PHACTR2: variants seen among roughly 807,000 people sequenced by gnomAD.
PHACTR2 encodes chromosome 6 open reading frame 56.
In PHACTR2, 30 loss-of-function variants were observed where a neutral mutation model predicts 76.0. The observed-to-expected ratio is 0.39, with a 90% CI of 0.30 to 0.54. The LOEUF (loss-of-function observed/expected upper bound fraction) is 0.54, where lower values mean the gene tolerates loss of function less well. Among genes scored for constraint, PHACTR2 ranks in the 20% least tolerant of loss-of-function variants. The pLI, the probability that PHACTR2 is intolerant of heterozygous loss-of-function variation, is 0.61. For synonymous variants in PHACTR2, 292 were observed against 292.5 expected (o/e 1.00, Z 0.02); for missense variants, 696 against 781.1 (o/e 0.89, Z 1.30).
intron 1 of PHACTR2, among the ~76,000 whole-genome samples, chr6:143,701,500 T>G (rs943079290): frequency 3.3e-5 from 5 of 152,202 alleles, no homozygotes; most frequent in African/African-American, 1.2e-4. Flanking sequence ...ACTCCTTGGA[T>G]TAGCCCAATA....
intron 2 of PHACTR2, among the ~76,000 whole-genome samples, chr6:143,740,177 A>T: frequency 6.6e-6 from 1 of 152,182 alleles, no homozygotes; most frequent in East Asian, 1.9e-4. Flanking sequence ...ACTTCCTAAC[A>T]TTGCCATGCC....
Position 143,663,893 on chromosome 6 carries a change from C to T in PHACTR2, c.14-48123C>T, listed in dbSNP as rs1776987649. On this transcript the variant is annotated intron_variant, in intron 1 of 11. Coordinates refer to the PHACTR2 transcript ENST00000305766. The surrounding 1 kb of genome is among the most constrained non-coding windows in gnomAD (Gnocchi z 4.1). The stretch of plus-strand genomic sequence containing the variant: ...TTGCCATTTTCTTGAGTACAAGTCT[C>T]TACACGTTTGTGTATTACATCAAGC... Among the ~76,000 whole-genome samples the T allele has an allele frequency of 6.6e-6, 1 of 152,066 alleles. No homozygotes were observed. The highest frequency in any genetic ancestry group is 1.5e-5 in the Non-Finnish European group (1 of 68,002).
At chr6:143,577,312 G>A (rs1244180382) in intron 1 of PHACTR2, among the ~76,000 whole-genome samples, 1 of 152,130 alleles carries the variant, frequency 6.6e-6, no homozygotes, top group East Asian at 1.9e-4. Context: ...CACAGTCAAG[G>A]TCATCAGTAT....
At chr6:143,545,652 T>C (rs1774979021) in intron 1 of PHACTR2, among the ~76,000 whole-genome samples, 1 of 152,078 alleles carries the variant, frequency 6.6e-6, no homozygotes, top group Non-Finnish European at 1.5e-5. Flanking sequence ...GAACCAAGAC[T>C]CAAATCTTCA....
At chr6:143,693,075 G>T (rs1317398539) in intron 1 of PHACTR2, among the ~76,000 whole-genome samples, 1 of 152,030 alleles carries the variant, frequency 6.6e-6, no homozygotes, top group African/African-American at 2.4e-5. Flanking sequence ...AACCCCATTG[G>T]AGTAGGGCCC....
At chr6:143,712,426 T>TA (rs1255927096) in intron 2 of PHACTR2, 2 of 170,790 alleles carry the variant, frequency 1.2e-5, no homozygotes, top group Non-Finnish European at 2.5e-5. Context: ...TAAATTTATA[T>TA]AAAAAATGGA....
Position 143,753,784 on chromosome 6 carries a change from C to CA in PHACTR2, c.329dup (p.Asn110LysfsTer21). 6.2e-7 allele frequency: 1 copy of CA among 1,600,334 alleles called. No individual in the cohort carries two copies. Among genetic ancestry groups the CA allele is most frequent in the Non-Finnish European group, 8.5e-7 (1 of 1,175,888 alleles). On this transcript the variant is annotated frameshift_variant, in exon 4 of 13. Transcript: ENST00000440869. LOFTEE classifies it high-confidence loss of function. This position sits in a 1 kb window ranked among gnomAD's most constrained non-coding sequence, Gnocchi z 4.6. ...GATGTAACAGTTAACTTTGAAAATT[C>CA]AAACGGGCACATGATACCCATCGGA...
intron 2 of PHACTR2, among the ~76,000 whole-genome samples, chr6:143,716,809 A>G (rs1778312441): frequency 6.6e-6 from 1 of 152,248 alleles, no homozygotes; most frequent in Admixed American, 6.5e-5. Context: ...TACTGTTGCT[A>G]GAAATGACAT....
At chr6:143,701,575 A>G (rs2051008) in intron 1 of PHACTR2, among the ~76,000 whole-genome samples, 94,692 of 151,936 alleles carry the variant, frequency 0.62, 29,803 homozygotes, top group African/African-American at 0.71. Flanking sequence ...TCTTAAAATA[A>G]AAATCCACTC....
intron 1 of PHACTR2, among the ~76,000 whole-genome samples, chr6:143,564,842 T>C (rs1234237682): frequency 1.3e-5 from 2 of 152,178 alleles, no homozygotes; most frequent in African/African-American, 4.8e-5. Context: ...AAACCTTCTA[T>C]GTGGGAGGTA....
rs185454473 is a variant in PHACTR2 at position 143,722,720 on chromosome 6, T to C, written c.214+10537T>C. Among the ~76,000 whole-genome samples the C allele has an allele frequency of 2.0e-5, 3 of 152,298 alleles. No homozygotes were observed. The highest frequency in any genetic ancestry group is 6.5e-5 in the Admixed American group (1 of 15,296). ...GAACACTAGATCTATTCTTTCTATC[T>C]AACTGTACATTTGTACCCCTTAACC... On this transcript the variant is annotated intron_variant, in intron 2 of 12. Coordinates refer to ENST00000440869, the MANE Select transcript of PHACTR2 (RefSeq NM_001100164.2). The surrounding 1 kb of genome is among the most constrained non-coding windows in gnomAD (Gnocchi z 4.1).
chr6:143,744,258 A>G lies in PHACTR2; in HGVS notation c.215-4727A>G, dbSNP rs1779006096. 2.6e-5 allele frequency among the ~76,000 whole-genome samples: 4 copies of G among 152,354 alleles called. No individual in the cohort carries two copies. The South Asian group carries it at 8.3e-4, about 32-fold the overall frequency. On this transcript the variant is annotated intron_variant, in intron 2 of 12. Coordinates refer to ENST00000440869, the MANE Select transcript of PHACTR2 (RefSeq NM_001100164.2). ...TCTTGTCGCTCAGGGTTTTGCCACA[A>G]GCCTCACTTGCTTTTTCCCAAATTG...
intron 1 of PHACTR2, among the ~76,000 whole-genome samples, chr6:143,563,479 C>A (rs928616205): frequency 4.1e-4 from 60 of 147,764 alleles, no homozygotes; most frequent in Admixed American, 2.3e-3. Flanking sequence ...TTATTTGAAC[C>A]CGGGAGGTGG....
chr6:143,607,507 G>A (rs569848746), upstream of PHACTR2, among the ~76,000 whole-genome samples: 6 of 152,276 alleles, frequency 3.9e-5, no homozygotes, highest in African/African-American at 7.2e-5. Flanking sequence ...AGATGATAAC[G>A]GACTGTAGAA....
intron 11 of PHACTR2, among the ~76,000 whole-genome samples, chr6:143,790,835 A>G (rs1012147146): frequency 9.9e-5 from 15 of 151,968 alleles, no homozygotes; most frequent in Admixed American, 5.9e-4. Flanking sequence ...CACCACGCCC[A>G]GCTATTTTTT....
chr6:143,699,776 C>T (rs1777858076), intron 1 of PHACTR2, among the ~76,000 whole-genome samples: 1 of 152,214 alleles, frequency 6.6e-6, no homozygotes, highest in African/African-American at 2.4e-5. Context: ...TCCCTCAGAT[C>T]ATCCATCATT....
intron 1 of PHACTR2, among the ~76,000 whole-genome samples, chr6:143,563,551 C>CAAAAAAAAAAA (rs76587878): frequency 2.0e-4 from 6 of 29,932 alleles, no homozygotes; most frequent in East Asian, 8.3e-4. Flanking sequence ...AACTCCGTCT[C>CAAAAAAAAAAA]AAAAAAAAAA....
rs112726774 is a variant in PHACTR2 at position 143,611,156 on chromosome 6, TA to T, written c.13+2845del. Among the ~76,000 whole-genome samples, 7,015 of 148,292 alleles carry T rather than the reference TA, an allele frequency of 0.047. 223 individuals carry two copies. The highest frequency in any genetic ancestry group is 0.066 in the Non-Finnish European group (4,408 of 66,596). On this transcript the variant is annotated intron_variant, in intron 1 of 11. Transcript: ENST00000305766. The surrounding 1 kb of genome is among the most constrained non-coding windows in gnomAD (Gnocchi z 4.4). ...CATATTCTACAGTGCAGAGTACTGTTAAAAAAAAAAAGTTCTGCAGAATTTA... is the reference window on the plus strand; with the variant it reads ...CATATTCTACAGTGCAGAGTACTGTTAAAAAAAAAAGTTCTGCAGAATTTA...
chr6:143,778,081 C>T lies in PHACTR2; in HGVS notation c.1645+698C>T, dbSNP rs143341391. Among the ~76,000 whole-genome samples, 799 of 152,332 alleles carry T rather than the reference C, an allele frequency of 5.2e-3. 5 individuals are homozygous for T. The highest frequency in any genetic ancestry group is 8.8e-3 in the Non-Finnish European group (601 of 68,028). ...TATTGTGTGTCAGTGTGGACAGGCACTGCAGTGAGTTAAGAAACGGATATT... is the reference window on the plus strand; with the variant it reads ...TATTGTGTGTCAGTGTGGACAGGCATTGCAGTGAGTTAAGAAACGGATATT... On this transcript the variant is annotated intron_variant, in intron 9 of 12. Transcript: ENST00000440869.
Sources: allele counts gnomAD v4.1 joint callset (sites outside exome capture counted in the v4.1 genomes callset), GRCh38; gene constraint gnomAD v4.1.1; non-coding constraint Gnocchi (gnomAD v3.1); transcripts MANE v1.5; gene names NCBI Gene and HGNC (gene_info 2026-07-23, HGNC 2026-07-21).